Variants in DIPK2B observed in about 807,000 individuals in gnomAD.
The protein encoded by DIPK2B is UPF0672 protein CXorf36.
Under a neutral mutation model 22.2 loss-of-function variants are expected in DIPK2B, and 15 were observed. The ratio of observed to expected loss-of-function variants is 0.68; its 90% CI spans 0.45 to 1.04. The LOEUF is 1.04. DIPK2B is among the 50% of genes least tolerant of loss of function. DIPK2B has a pLI of 0.00. For synonymous variants in DIPK2B, 163 were observed against 153.2 expected, an observed-to-expected ratio of 1.06 and a Z score of -0.47; for missense variants, 345 against 348.3, an observed-to-expected ratio of 0.99 and a Z score of 0.08.
intron 3 of DIPK2B, among the ~76,000 whole-genome samples, chrX:45,155,873 T>C (rs1210570075): frequency 1.8e-5 from 2 of 110,439 alleles, no homozygotes; most frequent in African/African-American, 6.6e-5. Flanking sequence ...CTCTGATGGT[T>C]TTTTGCAGTC....
At chrX:45,173,960 C>A (rs2148342017) in intron 2 of DIPK2B, among the ~76,000 whole-genome samples, 1 of 111,284 alleles carries the variant, frequency 9.0e-6, no homozygotes, top group South Asian at 3.8e-4. Flanking sequence ...TCATGAGGTA[C>A]TGTCTACCAG....
intron 3 of DIPK2B, among the ~76,000 whole-genome samples, chrX:45,155,961 CTTTTTT>C (rs757375184): frequency 2.5e-4 from 14 of 55,259 alleles, no homozygotes; most frequent in African/African-American, 7.3e-4. Context: ...AAGGGGACCT[CTTTTTT>C]TTTTTTTTTT....
chrX:45,195,083 T>C lies in DIPK2B; in HGVS notation c.234-3068A>G, dbSNP rs1468327556. On this transcript the variant is annotated intron_variant, in intron 1 of 4. Coordinates refer to ENST00000398000, the MANE Select transcript of DIPK2B (RefSeq NM_176819.4). Reference sequence around the variant, plus strand: ...GCACTTCTCCCCTTATTCAAAATGGTAATAAATTTATTGCATTGAATGGGA... The same window carrying C: ...GCACTTCTCCCCTTATTCAAAATGGCAATAAATTTATTGCATTGAATGGGA... Among the ~76,000 whole-genome samples the C allele has an allele frequency of 2.7e-5, 3 of 112,597 alleles. No individual in the cohort carries two copies. The Admixed American group carries it at 2.8e-4, about 11-fold the overall frequency.
chrX:45,153,474 T>TAGTGTGTGTGTG (rs778708679), intron 4 of DIPK2B, among the ~76,000 whole-genome samples: 19 of 73,862 alleles, frequency 2.6e-4, no homozygotes, highest in African/African-American at 7.8e-4. Flanking sequence ...CCCAAAAGTT[T>TAGTGTGTGTGTG]TGTGTGTGTG....
At chrX:45,193,436 T>A (rs2047222604) in intron 1 of DIPK2B, among the ~76,000 whole-genome samples, 1 of 112,144 alleles carries the variant, frequency 8.9e-6, no homozygotes, top group Non-Finnish European at 1.9e-5. Context: ...GTGTTGTTTT[T>A]TTCTCTTACC....
At position 45,154,034 on chromosome X, in the gene DIPK2B, C is replaced by T; in HGVS notation, c.837G>A (p.Arg279=). The change falls in exon 4 of 5, where the codon AGG becomes AGA. Residue 279 remains arginine, a synonymous_variant. Coordinates refer to ENST00000398000, the MANE Select transcript of DIPK2B (RefSeq NM_176819.4). ...YQLLGVLESL[R]SNDLNYFFYF... ...AGAAGAAATAGTTCAAATCGTTGCT[C>T]CTCAAAGACTCCAGGACACCCAGGA... The T allele has an allele frequency of 1.7e-6, 2 of 1,211,287 alleles. No individual in the cohort carries two copies. The highest frequency in any genetic ancestry group is 3.0e-5 in the East Asian group (1 of 33,826).
At chrX:45,160,566 G>A (rs1294622217) in intron 2 of DIPK2B, among the ~76,000 whole-genome samples, 2 of 111,741 alleles carry the variant, frequency 1.8e-5, no homozygotes, top group Non-Finnish European at 3.8e-5. Context: ...GAAAGATAGT[G>A]AGGTTTAAGC....
chrX:45,156,742 G>A (rs73477129), intron 3 of DIPK2B, among the ~76,000 whole-genome samples: 2,909 of 111,508 alleles, frequency 0.026, 114 homozygotes, highest in African/African-American at 0.09. Flanking sequence ...ATGAGATAAT[G>A]TCAAACCTTC....
At chrX:45,164,364 G>T in intron 2 of DIPK2B, 2 of 791,208 alleles carry the variant, frequency 2.5e-6, no homozygotes, top group Non-Finnish European at 3.5e-6. Flanking sequence ...ATTATCCAGT[G>T]ATCTAGTAAA....
rs143289555 is a variant in DIPK2B, at chrX:45,176,643, C to T, written c.498+15108G>A. On this transcript the variant is annotated intron_variant, in intron 2 of 4. Transcript: ENST00000398000. ...GGAGACAGTTTTGATCCTAGAGAAA[C>T]AATGTTGGAAGGGAAATCAGTATTT... is the stretch of plus-strand genomic sequence containing the variant. Among the ~76,000 whole-genome samples, 577 of 111,780 alleles carry T rather than the reference C, an allele frequency of 5.2e-3. 1 individual carries two copies. Among genetic ancestry groups the T allele is most frequent in the African/African-American group, 0.018 (542 of 30,751 alleles).
At chrX:45,176,106 C>T (rs1451763310) in intron 2 of DIPK2B, among the ~76,000 whole-genome samples, 4 of 110,370 alleles carry the variant, frequency 3.6e-5, no homozygotes, top group East Asian at 2.9e-4. Flanking sequence ...GATAATCTGA[C>T]GGCCCCCTGA....
At chrX:45,154,956 C>T (rs1288293393) in intron 3 of DIPK2B, among the ~76,000 whole-genome samples, 8 of 111,562 alleles carry the variant, frequency 7.2e-5, no homozygotes, top group East Asian at 2.8e-4. Context: ...ACTTCAGGCA[C>T]GTGCCACCAT....
At chrX:45,159,323 C>G (rs2047011347) in intron 2 of DIPK2B, among the ~76,000 whole-genome samples, 1 of 111,774 alleles carries the variant, frequency 8.9e-6, no homozygotes, top group Non-Finnish European at 1.9e-5. Flanking sequence ...GTAGTGTATT[C>G]TTTCATTTAC....
intron 2 of DIPK2B, among the ~76,000 whole-genome samples, chrX:45,177,892 G>T (rs924055513): frequency 9.0e-6 from 1 of 111,374 alleles, no homozygotes; most frequent in Admixed American, 9.6e-5. Flanking sequence ...AATAGTGAAT[G>T]ATGTCATATC....
intron 2 of DIPK2B, among the ~76,000 whole-genome samples, chrX:45,170,130 G>A (rs1369261711): frequency 9.2e-6 from 1 of 108,989 alleles, no homozygotes; most frequent in Non-Finnish European, 1.9e-5. Context: ...TGTAATCCTA[G>A]CTACTCAGGA....
At chrX:45,194,983 T>C (rs2047231917) in intron 1 of DIPK2B, among the ~76,000 whole-genome samples, 1 of 112,261 alleles carries the variant, frequency 8.9e-6, no homozygotes, top group Admixed American at 9.4e-5. Context: ...TGACTTGTAA[T>C]GAGTGCCTGG....
intron 2 of DIPK2B, among the ~76,000 whole-genome samples, chrX:45,189,836 A>C: frequency 8.9e-6 from 1 of 111,897 alleles, no homozygotes; most frequent in African/African-American, 3.2e-5. Flanking sequence ...AATTTACAAA[A>C]TGGCTGCTAA....
At chrX:45,164,691 C>T (rs2047038807) in intron 2 of DIPK2B, among the ~76,000 whole-genome samples, 1 of 111,350 alleles carries the variant, frequency 9.0e-6, no homozygotes, top group South Asian at 3.8e-4. Flanking sequence ...TGCAGCAAAC[C>T]AACATGGCAC....
chrX:45,160,485 C>T (rs1264788030), intron 2 of DIPK2B, among the ~76,000 whole-genome samples: 1 of 112,028 alleles, frequency 8.9e-6, no homozygotes, highest in Non-Finnish European at 1.9e-5. Flanking sequence ...GCTGGGATTA[C>T]AGGCATGAGC....
Sources: gnomAD v4.1 joint callset for allele counts (sites outside exome capture counted in the v4.1 genomes callset) on GRCh38, gnomAD v4.1.1 for gene constraint, MANE v1.5 for transcripts, NCBI Gene and HGNC (gene_info 2026-07-23, HGNC 2026-07-21) for gene names.